Variants in FAAH2 observed in about 807,000 individuals in gnomAD.
FAAH2 encodes the protein fatty-acid amide hydrolase 2.
In FAAH2, 60 loss-of-function variants were observed where a neutral mutation model predicts 36.9. That is an observed-to-expected ratio of 1.63 (90% confidence interval 1.32 to 2.02). FAAH2 has a LOEUF of 2.02. FAAH2 is among the 30% of genes most tolerant of loss of function. FAAH2 has a pLI of 0.00. For missense variants in FAAH2, 689 were observed against 397.5 expected (o/e 1.73, Z -6.23); for synonymous variants, 214 against 143.8 (o/e 1.49, Z -3.49).
At chrX:57,467,173 G>A (rs1027890761) in intron 10 of FAAH2, among the ~76,000 whole-genome samples, 7 of 111,401 alleles carry the variant, frequency 6.3e-5, no homozygotes, top group Non-Finnish European at 9.4e-5. Flanking sequence ...CCCAGCATGA[G>A]CGACGCAGAA....
At chrX:57,452,343 G>C in intron 10 of FAAH2, 2 of 752,242 alleles carry the variant, frequency 2.7e-6, no homozygotes, top group Non-Finnish European at 3.1e-6. Flanking sequence ...CCACTCTCAA[G>C]AGTCCCTCTT....
the FAAH2 span, among the ~76,000 whole-genome samples, chrX:57,190,583 G>A: frequency 9.0e-6 from 1 of 110,843 alleles, no homozygotes; most frequent in Non-Finnish European, 1.9e-5. Flanking sequence ...AAAAACTGTG[G>A]GAAAAGCATA....
At chrX:57,282,924 T>C (rs911802373), upstream of FAAH2, among the ~76,000 whole-genome samples, 1 of 112,217 alleles carries the variant, frequency 8.9e-6, no homozygotes, top group African/African-American at 3.2e-5. Context: ...TCATCTTTAT[T>C]TTCCTTCCCC....
In FAAH2 at chrX:57,428,310, T is replaced by C. The variant is rs151202024; in HGVS notation, c.997-3608T>C. Among the ~76,000 whole-genome samples the C allele has an allele frequency of 8.0e-4, 90 of 112,070 alleles. 2 individuals carry two copies. In the East Asian group the frequency reaches 0.022, roughly 27 times the overall value. On this transcript the variant is annotated intron_variant, in intron 7 of 10. Coordinates refer to ENST00000374900, the MANE Select transcript of FAAH2 (RefSeq NM_174912.4). The stretch of plus-strand genomic sequence containing the variant: ...GAGGAATGAATATCATTAAAATGTC[T>C]ATATTATCTAAAGCAATCTACAGAT...
intron 10 of FAAH2, among the ~76,000 whole-genome samples, chrX:57,488,228 T>C (rs188261024): frequency 1.5e-3 from 164 of 111,930 alleles, no homozygotes; most frequent in Non-Finnish European, 2.8e-3. Context: ...ATATAAATTA[T>C]GCTGCAATAA....
At chrX:57,301,447 C>T (rs1166121674) in intron 2 of FAAH2, among the ~76,000 whole-genome samples, 1 of 82,087 alleles carries the variant, frequency 1.2e-5, no homozygotes, top group East Asian at 3.7e-4. Context: ...GAACATCAGA[C>T]ACCGGGGACT....
intron 1 of FAAH2, among the ~76,000 whole-genome samples, chrX:57,289,006 C>T (rs1420806264): frequency 9.0e-6 from 1 of 111,708 alleles, no homozygotes; most frequent in Non-Finnish European, 1.9e-5. Context: ...ATTGTTACTG[C>T]AAAACAACTA....
chrX:57,160,766 C>T, the FAAH2 span, among the ~76,000 whole-genome samples: 6 of 111,616 alleles, frequency 5.4e-5, no homozygotes, highest in Admixed American at 9.5e-5. Context: ...CTTTAATAGT[C>T]TTGCTAATGG....
At chrX:57,316,624 A>AAGGACTCC (rs1308449947) in intron 3 of FAAH2, among the ~76,000 whole-genome samples, 1 of 111,425 alleles carries the variant, frequency 9.0e-6, no homozygotes, top group African/African-American at 3.3e-5. Flanking sequence ...GCAATGGGGG[A>AAGGACTCC]AGGACTCCCT....
intron 5 of FAAH2, among the ~76,000 whole-genome samples, chrX:57,367,320 T>A (rs1420643225): frequency 1.8e-5 from 2 of 112,369 alleles, no homozygotes; most frequent in African/African-American, 3.2e-5. Flanking sequence ...ACATTTGTAG[T>A]CATGTTTCAA....
intron 8 of FAAH2, among the ~76,000 whole-genome samples, chrX:57,435,840 A>C (rs1378483820): frequency 9.0e-6 from 1 of 111,483 alleles, no homozygotes; most frequent in Non-Finnish European, 1.9e-5. Flanking sequence ...TAGGTGCAAT[A>C]GACCTAACAC....
the FAAH2 span, among the ~76,000 whole-genome samples, chrX:57,265,488 A>G: frequency 9.0e-6 from 1 of 111,699 alleles, no homozygotes; most frequent in East Asian, 2.8e-4. Flanking sequence ...TGACTTAGCC[A>G]TATGGCCTTC....
At chrX:57,254,440 G>C in the FAAH2 span, among the ~76,000 whole-genome samples, 1 of 111,789 alleles carries the variant, frequency 8.9e-6, no homozygotes, top group Non-Finnish European at 1.9e-5. Context: ...GGCATCTATA[G>C]AACTCTCCAC....
the FAAH2 span, chrX:57,137,427 C>T: frequency 3.0e-5 from 21 of 692,789 alleles, no homozygotes; most frequent in Non-Finnish European, 3.6e-5. Context: ...GCGCTTCGCT[C>T]GCTGGCCGTC....
upstream of FAAH2, among the ~76,000 whole-genome samples, chrX:57,281,726 C>A (rs752086317): frequency 9.9e-5 from 11 of 111,665 alleles, no homozygotes; most frequent in Non-Finnish European, 1.7e-4. Flanking sequence ...TCTCTCCCTC[C>A]ACCTTCAAGT....
At chrX:57,141,047 C>T in the FAAH2 span, among the ~76,000 whole-genome samples, 4 of 111,963 alleles carry the variant, frequency 3.6e-5, no homozygotes, top group Non-Finnish European at 7.5e-5. Context: ...CAGGTTTTTT[C>T]CCATTTCATA....
chrX:57,223,408 A>G, the FAAH2 span, among the ~76,000 whole-genome samples: 3 of 111,682 alleles, frequency 2.7e-5, no homozygotes, highest in Non-Finnish European at 5.7e-5. Flanking sequence ...AAGGTGCTTT[A>G]TTCTTCCTCA....
At chrX:57,281,759 C>T (rs2051757090), upstream of FAAH2, among the ~76,000 whole-genome samples, 1 of 111,406 alleles carries the variant, frequency 9.0e-6, no homozygotes, top group Non-Finnish European at 1.9e-5. Context: ...CTGTTTTTCC[C>T]TTCTTTGTGG....
At chrX:57,159,785 C>T in the FAAH2 span, among the ~76,000 whole-genome samples, 4 of 111,826 alleles carry the variant, frequency 3.6e-5, no homozygotes, top group Non-Finnish European at 5.6e-5. Flanking sequence ...GATCTGCAAA[C>T]AGGGACAATT....
Sources: gnomAD v4.1 joint callset for allele counts (sites outside exome capture counted in the v4.1 genomes callset) on GRCh38, gnomAD v4.1.1 for gene constraint, MANE v1.5 for transcripts, NCBI Gene and HGNC (gene_info 2026-07-23, HGNC 2026-07-21) for gene names.